The following DMRT1 variants were observed in gnomAD, a reference collection of about 807,000 sequenced individuals.
DMRT1 encodes doublesex- and mab-3-related transcription factor 1.
Under a neutral mutation model 32.3 loss-of-function variants are expected in DMRT1, and 7 were observed. The observed-to-expected ratio is 0.22, with a 90% CI of 0.12 to 0.41. DMRT1 has a LOEUF of 0.41. Among genes scored for constraint, DMRT1 ranks in the 10% least tolerant of loss-of-function variants. DMRT1 has a pLI of 1.00. For synonymous variants in DMRT1, 278 were observed against 206.1 expected, an observed-to-expected ratio of 1.35 and a Z score of -2.99; for missense variants, 625 against 500.5, an observed-to-expected ratio of 1.25 and a Z score of -2.37.
chr9:873,080 T>G (rs1227803926), intron 2 of DMRT1, among the ~76,000 whole-genome samples: 1 of 152,204 alleles, frequency 6.6e-6, no homozygotes, highest in Non-Finnish European at 1.5e-5. Flanking sequence ...CCAGTCAAGG[T>G]GACATCTAAA....
chr9:862,162 G>T (rs1815736671), intron 2 of DMRT1, among the ~76,000 whole-genome samples: 1 of 150,702 alleles, frequency 6.6e-6, no homozygotes, highest in South Asian at 2.1e-4. Context: ...GCTGGGAGGT[G>T]GAGGTTGTAG....
At chr9:853,166 C>G (rs1435763270) in intron 2 of DMRT1, among the ~76,000 whole-genome samples, 1 of 152,138 alleles carries the variant, frequency 6.6e-6, no homozygotes. Context: ...CCTGCCCCAA[C>G]ACATGCAGAG....
chr9:917,380 A>G (rs911194982), intron 4 of DMRT1, among the ~76,000 whole-genome samples: 2 of 152,240 alleles, frequency 1.3e-5, no homozygotes, highest in African/African-American at 2.4e-5. Flanking sequence ...TGCAGTAGCA[A>G]TGCAAATAAC....
At chr9:881,640 G>A (rs1296592486) in intron 2 of DMRT1, among the ~76,000 whole-genome samples, 1 of 152,188 alleles carries the variant, frequency 6.6e-6, no homozygotes, top group Admixed American at 6.5e-5. Context: ...GATCTTTTCT[G>A]TGGAGACCTA....
intron 3 of DMRT1, among the ~76,000 whole-genome samples, chr9:903,219 T>A (rs1236719121): frequency 1.3e-5 from 2 of 152,124 alleles, no homozygotes; most frequent in East Asian, 3.9e-4. Flanking sequence ...GAGCAAAGCT[T>A]TCTTTCTCTA....
chr9:876,362 T>C (rs1387394831), intron 2 of DMRT1, among the ~76,000 whole-genome samples: 1 of 152,074 alleles, frequency 6.6e-6, no homozygotes, highest in South Asian at 2.1e-4. Flanking sequence ...CTGCCTTACC[T>C]GACATTCCCT....
chr9:843,297 C>G (rs1239362868), intron 1 of DMRT1, among the ~76,000 whole-genome samples: 2 of 152,258 alleles, frequency 1.3e-5, no homozygotes, highest in Non-Finnish European at 2.9e-5. Context: ...ATGGACACAG[C>G]GTTGCGCGGT....
intron 2 of DMRT1, among the ~76,000 whole-genome samples, chr9:850,841 C>T (rs1200899295): frequency 6.6e-6 from 1 of 151,890 alleles, no homozygotes; most frequent in East Asian, 1.9e-4. Context: ...CCAGCCTGGC[C>T]AACATGGCGA....
chr9:898,577 CTCT>C (rs1414639364), intron 3 of DMRT1, among the ~76,000 whole-genome samples: 2 of 152,196 alleles, frequency 1.3e-5, no homozygotes, highest in East Asian at 1.9e-4. Context: ...GAGTCGGGGG[CTCT>C]TCTTTGGTTG....
At chr9:855,632 C>G (rs958577358) in intron 2 of DMRT1, among the ~76,000 whole-genome samples, 3 of 152,106 alleles carry the variant, frequency 2.0e-5, no homozygotes, top group Admixed American at 6.5e-5. Context: ...AATTTTTTTT[C>G]TTTTTGAGAC....
chr9:850,802 G>A (rs1839112918), intron 2 of DMRT1, among the ~76,000 whole-genome samples: 1 of 152,122 alleles, frequency 6.6e-6, no homozygotes, highest in African/African-American at 2.4e-5. Flanking sequence ...GCCAAGGCAG[G>A]TGGATCACCT....
intron 2 of DMRT1, among the ~76,000 whole-genome samples, chr9:868,555 TGCTGG>T (rs1319875370): frequency 3.3e-5 from 5 of 152,236 alleles, no homozygotes; most frequent in Non-Finnish European, 7.3e-5. Flanking sequence ...TTTCTTTGTG[TGCTGG>T]GCACCTTTCT....
At position 874,814 on chromosome 9, in the gene DMRT1, T is replaced by A. The variant is rs533443143; in HGVS notation, c.539-19098T>A. ...CAACAAGTTAATCTTTTTTTTTTTT[T>A]TTTTTTTTTTTGAGATGGAGTCTCG... On this transcript the variant is annotated intron_variant, in intron 2 of 4. Coordinates refer to ENST00000382276, the MANE Select transcript of DMRT1 (RefSeq NM_021951.3). 2.7e-4 allele frequency among the ~76,000 whole-genome samples: 39 copies of A among 143,450 alleles called. No individual in the cohort carries two copies. The South Asian group carries it at 9.1e-3, about 33-fold the overall frequency. 94.1% of individuals were successfully genotyped at this position (143,450 alleles called of 152,430 possible).
chr9:927,162 C>G (rs1478556719), intron 4 of DMRT1, among the ~76,000 whole-genome samples: 1 of 152,230 alleles, frequency 6.6e-6, no homozygotes, highest in Non-Finnish European at 1.5e-5. Context: ...AGAGGCACGG[C>G]CCAGGCCAAG....
At chr9:907,682 T>C (rs952258796) in intron 3 of DMRT1, among the ~76,000 whole-genome samples, 6 of 152,190 alleles carry the variant, frequency 3.9e-5, no homozygotes, top group Non-Finnish European at 7.3e-5. Flanking sequence ...TACACACACA[T>C]ACACAAAATG....
At chr9:900,227 C>A (rs1024044394) in intron 3 of DMRT1, among the ~76,000 whole-genome samples, 4 of 152,062 alleles carry the variant, frequency 2.6e-5, no homozygotes, top group African/African-American at 7.2e-5. Flanking sequence ...AAAGTGCCCC[C>A]TTGTGAGTGT....
chr9:946,978 A>C (rs989945604), intron 4 of DMRT1, among the ~76,000 whole-genome samples: 8 of 152,238 alleles, frequency 5.3e-5, no homozygotes, highest in African/African-American at 1.9e-4. Flanking sequence ...GAAATTCGTC[A>C]TGCAGAATTA....
At chr9:905,910 C>A (rs568267988) in intron 3 of DMRT1, among the ~76,000 whole-genome samples, 1 of 152,104 alleles carries the variant, frequency 6.6e-6, no homozygotes, top group Non-Finnish European at 1.5e-5. Flanking sequence ...CCTCTGTTCC[C>A]GTGGTGTCTC....
chr9:908,810 C>G (rs1053913932), intron 3 of DMRT1, among the ~76,000 whole-genome samples: 3 of 152,070 alleles, frequency 2.0e-5, no homozygotes, highest in Non-Finnish European at 2.9e-5. Context: ...GAGCGTCCTC[C>G]TCTCCACTCC....
Sources: allele counts gnomAD v4.1 joint callset (sites outside exome capture counted in the v4.1 genomes callset), GRCh38; gene constraint gnomAD v4.1.1; transcripts MANE v1.5; gene names NCBI Gene and HGNC (gene_info 2026-07-23, HGNC 2026-07-21).